Variants in CHRM5 observed in about 807,000 individuals in gnomAD.
The protein encoded by CHRM5 is cholinergic receptor muscarinic 5.
CHRM5 carries 18 observed loss-of-function variants against 39.0 expected under a neutral mutation model. The ratio of observed to expected loss-of-function variants is 0.46; its 90% CI spans 0.32 to 0.68. CHRM5 has a LOEUF of 0.68. CHRM5 is among the 30% of genes least tolerant of loss of function. The probability of loss-of-function intolerance (pLI) is 0.04; values close to 1 mark genes in which losing one functional copy is unlikely to be tolerated. For missense variants in CHRM5, 515 were observed against 651.1 expected (o/e 0.79, Z 2.28); for synonymous variants, 241 against 246.3 (o/e 0.98, Z 0.20).
chr15:34,043,826 GA>G (rs915584164), intron 1 of CHRM5, among the ~76,000 whole-genome samples: 1 of 152,118 alleles, frequency 6.6e-6, no homozygotes. Flanking sequence ...AACCAGAAAA[GA>G]ATTTCCAGTG....
At chr15:33,989,149 CA>C (rs968030138) in intron 1 of CHRM5, among the ~76,000 whole-genome samples, 1 of 148,454 alleles carries the variant, frequency 6.7e-6, no homozygotes, top group African/African-American at 2.4e-5. Context: ...CCCACACAAA[CA>C]CACACAAAAA....
At chr15:34,009,245 T>C (rs952892443) in intron 1 of CHRM5, among the ~76,000 whole-genome samples, 3 of 152,126 alleles carry the variant, frequency 2.0e-5, no homozygotes, top group African/African-American at 4.8e-5. Flanking sequence ...AGGCCCACCT[T>C]ACAAGATACA....
chr15:34,006,668 C>T lies in CHRM5; in HGVS notation c.-408+37518C>T, dbSNP rs1353309013. On this transcript the variant is annotated intron_variant, in intron 1 of 2. Transcript: ENST00000383263. ...TGTTTATAATAGGCTGATCCTTATG[C>T]ATATGAATAACTCACCAGTCCCCAA... Among the ~76,000 whole-genome samples, 3 of 152,168 alleles carry T rather than the reference C, an allele frequency of 2.0e-5. No individual in the cohort carries two copies. The East Asian group carries it at 5.8e-4, about 29-fold the overall frequency.
intron 1 of CHRM5, among the ~76,000 whole-genome samples, chr15:33,978,902 A>G (rs529296504): frequency 2.4e-4 from 36 of 150,358 alleles, no homozygotes; most frequent in African/African-American, 8.5e-4. Context: ...TGAAAAATGG[A>G]CAGAGGAAAG....
intron 1 of CHRM5, among the ~76,000 whole-genome samples, chr15:34,024,009 GGAAAA>G (rs1184832331): frequency 6.6e-6 from 1 of 152,100 alleles, no homozygotes; most frequent in Non-Finnish European, 1.5e-5. Flanking sequence ...AATCGTAACA[GGAAAA>G]GCATAAAACC....
chr15:33,976,642 T>G (rs1297914184), intron 1 of CHRM5, among the ~76,000 whole-genome samples: 1 of 152,164 alleles, frequency 6.6e-6, no homozygotes, highest in Non-Finnish European at 1.5e-5. Context: ...TAGGACCTTC[T>G]GCAGGCATAA....
chr15:33,983,309 T>A (rs931443942), intron 1 of CHRM5, among the ~76,000 whole-genome samples: 1 of 151,722 alleles, frequency 6.6e-6, no homozygotes. Context: ...TGTAACTGAT[T>A]AATGAGGAAG....
At chr15:34,043,226 G>A (rs1166112445) in intron 1 of CHRM5, among the ~76,000 whole-genome samples, 1 of 149,962 alleles carries the variant, frequency 6.7e-6, no homozygotes, top group African/African-American at 2.5e-5. Flanking sequence ...CAGCCTGGGC[G>A]ACCGAGCAAG....
chr15:34,039,041 C>T, intron 1 of CHRM5: 1 of 1,110,870 alleles, frequency 9.0e-7, no homozygotes, highest in Non-Finnish European at 1.1e-6. Flanking sequence ...CTCGCTCCGC[C>T]TGCATCTGGC....
chr15:33,979,750 G>A (rs537659366), intron 1 of CHRM5, among the ~76,000 whole-genome samples: 16 of 152,282 alleles, frequency 1.1e-4, no homozygotes, highest in East Asian at 7.7e-4. Flanking sequence ...AGAGAAGTTC[G>A]TTAGGCATCC....
intron 1 of CHRM5, among the ~76,000 whole-genome samples, chr15:34,024,267 C>T (rs1324189183): frequency 1.3e-5 from 2 of 152,026 alleles, no homozygotes; most frequent in East Asian, 3.9e-4. Context: ...ATTATAAATA[C>T]ATAAGACACC....
At chr15:34,045,179 A>G (rs1462038454) in intron 1 of CHRM5, among the ~76,000 whole-genome samples, 2 of 152,090 alleles carry the variant, frequency 1.3e-5, no homozygotes, top group African/African-American at 2.4e-5. Flanking sequence ...ATAAAGATGA[A>G]CTCTTTCAGT....
intron 1 of CHRM5, among the ~76,000 whole-genome samples, chr15:34,023,833 CAT>C (rs1898318662): frequency 1.3e-5 from 2 of 152,274 alleles, no homozygotes; most frequent in East Asian, 1.9e-4. Flanking sequence ...AGAAAGAAAA[CAT>C]GTGTTAGAAA....
At chr15:34,032,631 CAGAA>C (rs141695212) in intron 1 of CHRM5, among the ~76,000 whole-genome samples, 3,088 of 152,240 alleles carry the variant, frequency 0.02, 113 homozygotes, top group African/African-American at 0.066. Flanking sequence ...CCTAGGGGTT[CAGAA>C]AGATTTTCCA....
chr15:33,992,447 G>C (rs914279645), intron 1 of CHRM5, among the ~76,000 whole-genome samples: 3 of 152,122 alleles, frequency 2.0e-5, no homozygotes, highest in Non-Finnish European at 4.4e-5. Flanking sequence ...CAGCTACAAG[G>C]AAAAGTTTTT....
intron 1 of CHRM5, among the ~76,000 whole-genome samples, chr15:34,006,497 A>G (rs1377784193): frequency 6.6e-6 from 1 of 152,220 alleles, no homozygotes; most frequent in African/African-American, 2.4e-5. Flanking sequence ...GCTGTAACAC[A>G]TGGCAAAAAT....
At chr15:34,043,252 A>T (rs1023819944) in intron 1 of CHRM5, among the ~76,000 whole-genome samples, 5 of 151,312 alleles carry the variant, frequency 3.3e-5, no homozygotes, top group African/African-American at 1.2e-4. Flanking sequence ...GTCTCAAAAA[A>T]AAAAAAAAGA....
At chr15:34,024,983 G>A (rs1898389201) in intron 1 of CHRM5, among the ~76,000 whole-genome samples, 1 of 151,934 alleles carries the variant, frequency 6.6e-6, no homozygotes, top group Non-Finnish European at 1.5e-5. Flanking sequence ...AGGATTTTGA[G>A]ACCAGTAGAG....
intron 1 of CHRM5, among the ~76,000 whole-genome samples, chr15:34,038,162 G>C (rs1195594905): frequency 6.6e-6 from 1 of 152,170 alleles, no homozygotes; most frequent in Non-Finnish European, 1.5e-5. Flanking sequence ...AGTGCTCGCT[G>C]ATTTCTACAC....
Sources: gnomAD v4.1 joint callset for allele counts (sites outside exome capture counted in the v4.1 genomes callset) on GRCh38, gnomAD v4.1.1 for gene constraint, MANE v1.5 for transcripts, NCBI Gene and HGNC (gene_info 2026-07-23, HGNC 2026-07-21) for gene names.